The following SLC35F1 variants were observed in gnomAD, a reference collection of about 807,000 sequenced individuals.
SLC35F1 encodes solute carrier family 35 member F1, also known as chromosome 6 open reading frame 169.
A neutral mutation model predicts 48.7 loss-of-function variants in SLC35F1; 14 were observed. That is an observed-to-expected ratio of 0.29 (90% CI 0.19 to 0.45). The LOEUF is 0.45. Among genes scored for constraint, SLC35F1 ranks in the 20% least tolerant of loss-of-function variants. The pLI is 1.00. For synonymous variants in SLC35F1, 190 were observed against 202.2 expected (o/e 0.94, Z 0.51); for missense variants, 404 against 500.0 (o/e 0.81, Z 1.83).
chr6:117,999,616 A>G (rs1237448947), intron 1 of SLC35F1, among the ~76,000 whole-genome samples: 5 of 152,198 alleles, frequency 3.3e-5, no homozygotes, highest in Non-Finnish European at 5.9e-5. Context: ...ACTGAAGGAA[A>G]TAGAGACCCA....
At chr6:118,063,540 T>A (rs897078979) in intron 1 of SLC35F1, among the ~76,000 whole-genome samples, 3 of 152,210 alleles carry the variant, frequency 2.0e-5, no homozygotes, top group African/African-American at 7.2e-5. Flanking sequence ...TGATTGTTTC[T>A]GAAATTTAGA....
chr6:118,254,028 C>A (rs1335001388), intron 3 of SLC35F1, among the ~76,000 whole-genome samples: 1 of 151,892 alleles, frequency 6.6e-6, no homozygotes, highest in Non-Finnish European at 1.5e-5. Flanking sequence ...AGCAAAGCCT[C>A]AGAGACAGCA....
intron 1 of SLC35F1, among the ~76,000 whole-genome samples, chr6:118,016,955 C>T (rs117526475): frequency 2.6e-3 from 389 of 152,332 alleles, no homozygotes; most frequent in Admixed American, 4.0e-3. Flanking sequence ...GGATGATTTT[C>T]CTTCCACATG....
chr6:118,228,763 G>A (rs747824020), intron 2 of SLC35F1, among the ~76,000 whole-genome samples: 1 of 151,958 alleles, frequency 6.6e-6, no homozygotes, highest in Non-Finnish European at 1.5e-5. Context: ...TGATATTAAG[G>A]CATCACACTG....
intron 1 of SLC35F1, among the ~76,000 whole-genome samples, chr6:117,996,165 T>C (rs1776986000): frequency 6.6e-6 from 1 of 152,250 alleles, no homozygotes; most frequent in African/African-American, 2.4e-5. Flanking sequence ...ATATTAAAAC[T>C]TTACATTTAT....
intron 7 of SLC35F1, among the ~76,000 whole-genome samples, chr6:118,299,734 C>T (rs190869483): frequency 2.0e-5 from 3 of 152,288 alleles, no homozygotes; most frequent in Admixed American, 2.0e-4. Context: ...AAGCTCAATG[C>T]CTACATTTGC....
chr6:118,109,828 A>G (rs1330385986), intron 1 of SLC35F1, among the ~76,000 whole-genome samples: 5 of 152,206 alleles, frequency 3.3e-5, no homozygotes, highest in African/African-American at 1.2e-4. Flanking sequence ...CAGTGCAGTC[A>G]GTTAACAGGC....
At chr6:118,124,288 A>G (rs968261549) in intron 1 of SLC35F1, among the ~76,000 whole-genome samples, 11 of 152,204 alleles carry the variant, frequency 7.2e-5, no homozygotes, top group African/African-American at 2.4e-4. Flanking sequence ...GCAAACTCTC[A>G]GAATCTCATG....
rs115094102 is a variant in SLC35F1, at chr6:117,910,382, A to G, written c.173+2483A>G. Among the ~76,000 whole-genome samples the G allele has an allele frequency of 3.5e-3, 530 of 152,234 alleles. 3 individuals carry two copies. The highest frequency in any genetic ancestry group is 0.01 in the African/African-American group (433 of 41,524). On this transcript the variant is annotated intron_variant, in intron 1 of 7. Transcript: ENST00000360388. ...GGCCTAATCATAAGCATCTTTGTCA[A>G]TTTTCTAAGAACTCACCATCTGCTT...
chr6:118,139,593 G>A (rs2114439460), intron 1 of SLC35F1, among the ~76,000 whole-genome samples: 1 of 152,320 alleles, frequency 6.6e-6, no homozygotes, highest in South Asian at 2.1e-4. Flanking sequence ...TAAAAAGTCA[G>A]TCTATCTTTT....
chr6:118,047,682 A>G (rs538363115), intron 1 of SLC35F1, among the ~76,000 whole-genome samples: 1 of 152,310 alleles, frequency 6.6e-6, no homozygotes, highest in African/African-American at 2.4e-5. Context: ...AACTTTGGAT[A>G]ACTCTAGTAA....
At chr6:117,919,073 T>C (rs1775863556) in intron 1 of SLC35F1, among the ~76,000 whole-genome samples, 1 of 152,046 alleles carries the variant, frequency 6.6e-6, no homozygotes, top group Admixed American at 6.6e-5. Context: ...TTTTTAATTT[T>C]TTTTTGTAGA....
At chr6:117,984,000 C>T (rs1047836231) in intron 1 of SLC35F1, among the ~76,000 whole-genome samples, 3 of 152,102 alleles carry the variant, frequency 2.0e-5, no homozygotes, top group Non-Finnish European at 2.9e-5. Context: ...TTCAGGGCAT[C>T]CATTCTAAAC....
chr6:118,113,241 C>T (rs1479008662), intron 1 of SLC35F1, among the ~76,000 whole-genome samples: 1 of 152,116 alleles, frequency 6.6e-6, no homozygotes, highest in African/African-American at 2.4e-5. Flanking sequence ...TGTGTGCCAC[C>T]ACACTGGGCT....
intron 1 of SLC35F1, among the ~76,000 whole-genome samples, chr6:117,956,818 GC>G (rs1776434632): frequency 6.6e-6 from 1 of 152,178 alleles, no homozygotes; most frequent in African/African-American, 2.4e-5. Context: ...ATCCAGGAGG[GC>G]AGGGAAACCC....
At chr6:118,088,800 G>C (rs1773030207) in intron 1 of SLC35F1, among the ~76,000 whole-genome samples, 1 of 152,144 alleles carries the variant, frequency 6.6e-6, no homozygotes, top group Non-Finnish European at 1.5e-5. Context: ...AGATGTGTTA[G>C]CCCAGAGGAA....
At chr6:118,087,525 T>C (rs1009024417) in intron 1 of SLC35F1, among the ~76,000 whole-genome samples, 1 of 152,142 alleles carries the variant, frequency 6.6e-6, no homozygotes, top group Non-Finnish European at 1.5e-5. Flanking sequence ...TTAGCCTCTT[T>C]ACCTTTTAGA....
intron 1 of SLC35F1, among the ~76,000 whole-genome samples, chr6:117,987,549 G>T (rs1776864361): frequency 1.3e-5 from 2 of 151,780 alleles, no homozygotes; most frequent in Non-Finnish European, 2.9e-5. Flanking sequence ...CAGACTTAGG[G>T]TTTTACCAAA....
At chr6:117,996,658 A>T (rs2114862478) in intron 1 of SLC35F1, among the ~76,000 whole-genome samples, 2 of 152,318 alleles carry the variant, frequency 1.3e-5, no homozygotes, top group Middle Eastern at 3.4e-3. Context: ...AGCTGCTGAT[A>T]CCCAGGCACA....
Sources: gnomAD v4.1 joint callset for allele counts (sites outside exome capture counted in the v4.1 genomes callset) on GRCh38, gnomAD v4.1.1 for gene constraint, MANE v1.5 for transcripts, NCBI Gene and HGNC (gene_info 2026-07-23, HGNC 2026-07-21) for gene names.